CFAP47: variants seen among roughly 807,000 people sequenced by gnomAD.
CFAP47 encodes cilia and flagella associated protein 47, also known as cilia- and flagella-associated protein 47.
A neutral mutation model predicts 148.1 loss-of-function variants in CFAP47; 29 were observed. The observed-to-expected ratio is 0.20, with a 90% CI of 0.15 to 0.27. The LOEUF is 0.27. Among genes scored for constraint, CFAP47 ranks in the 10% least tolerant of loss-of-function variants. CFAP47 has a pLI of 1.00. For missense variants in CFAP47, 1,872 were observed against 1,697.5 expected (o/e 1.10, Z -1.81); for synonymous variants, 664 against 577.3 (o/e 1.15, Z -2.15).
At chrX:36,075,545 T>G (rs150404991) in intron 29 of CFAP47, among the ~76,000 whole-genome samples, 1 of 112,273 alleles carries the variant, frequency 8.9e-6, no homozygotes, top group East Asian at 2.8e-4. Flanking sequence ...TTTTTAATAA[T>G]TTCAACTTTT....
intron 27 of CFAP47, among the ~76,000 whole-genome samples, chrX:36,067,294 C>A (rs1483172465): frequency 9.0e-6 from 1 of 111,392 alleles, no homozygotes; most frequent in African/African-American, 3.3e-5. Flanking sequence ...TCTTTGTATT[C>A]CCATAGGCAC....
rs1488278882 is a variant in CFAP47, at chrX:35,967,739, G to A, written c.1721G>A (p.Arg574His). 19 of 1,206,279 alleles carry A rather than the reference G, an allele frequency of 1.6e-5. No homozygotes were observed. Among genetic ancestry groups the A allele is most frequent in the Middle Eastern group, 2.3e-4 (1 of 4,359 alleles). ...QSAMTRTHNH[R>H]SCEEPVKDML... ...GCCATGACACGCACTCACAATCATC[G>A]CTCATGTGAAGAGCCAGTGAAGGAT... Residue 574 changes from arginine to histidine, a missense_variant, in exon 10 of 64, where the codon CGC becomes CAC. Coordinates refer to ENST00000378653, the MANE Select transcript of CFAP47 (RefSeq NM_001304548.2).
intron 46 of CFAP47, among the ~76,000 whole-genome samples, chrX:36,231,210 C>A (rs1555992539): frequency 9.0e-6 from 1 of 110,913 alleles, no homozygotes; most frequent in African/African-American, 3.3e-5. Flanking sequence ...GGCAGTATGG[C>A]CATTTTCATG....
chrX:36,081,142 C>T (rs889146106), intron 29 of CFAP47, among the ~76,000 whole-genome samples: 13 of 111,007 alleles, frequency 1.2e-4, no homozygotes, highest in Non-Finnish European at 2.5e-4. Flanking sequence ...CAAATAAGCA[C>T]AATCAAAATC....
chrX:36,313,651 C>T (rs1426852589), intron 56 of CFAP47, among the ~76,000 whole-genome samples: 2 of 110,890 alleles, frequency 1.8e-5, no homozygotes, highest in Non-Finnish European at 3.8e-5. Context: ...CTTACAGATT[C>T]TACAGAATTA....
At chrX:36,269,201 C>T (rs1429491470) in intron 49 of CFAP47, among the ~76,000 whole-genome samples, 1 of 112,010 alleles carries the variant, frequency 8.9e-6, no homozygotes, top group Non-Finnish European at 1.9e-5. Flanking sequence ...AAAAAGGTTA[C>T]ACTAAAGTGA....
At chrX:36,031,450 T>C (rs1328065020) in intron 23 of CFAP47, 103 bp downstream of exon 23, 1 of 261,782 alleles carries the variant, frequency 3.8e-6, no homozygotes, top group Non-Finnish European at 6.8e-6. Context: ...AACTATTCCC[T>C]ATGATTAATT....
At chrX:35,957,773 T>C (rs997504579) in intron 8 of CFAP47, among the ~76,000 whole-genome samples, 6 of 112,259 alleles carry the variant, frequency 5.3e-5, no homozygotes, top group Non-Finnish European at 7.5e-5. Flanking sequence ...TTAGTAAAAA[T>C]GCGAATGTAA....
intron 29 of CFAP47, among the ~76,000 whole-genome samples, chrX:36,076,656 G>C (rs746491560): frequency 9.0e-6 from 1 of 111,247 alleles, no homozygotes; most frequent in Non-Finnish European, 1.9e-5. Context: ...CAGATGCATA[G>C]TTTGCAAATA....
chrX:36,238,300 T>C (rs1294995201), intron 48 of CFAP47, among the ~76,000 whole-genome samples: 3 of 112,214 alleles, frequency 2.7e-5, no homozygotes, highest in Admixed American at 9.4e-5. Flanking sequence ...CTCTGGCTTA[T>C]TGCCATGTAA....
chrX:36,272,607 T>TA (rs2146938777), intron 49 of CFAP47, among the ~76,000 whole-genome samples: 2 of 110,786 alleles, frequency 1.8e-5, no homozygotes, highest in African/African-American at 3.3e-5. Flanking sequence ...TTCCTCATCT[T>TA]AAAAAAATCT....
At chrX:36,297,675 A>G (rs1941255731) in intron 51 of CFAP47, among the ~76,000 whole-genome samples, 1 of 111,573 alleles carries the variant, frequency 9.0e-6, no homozygotes, top group South Asian at 3.8e-4. Flanking sequence ...AAGACAATGT[A>G]CCTTGGGGGA....
At chrX:36,263,587 A>T (rs1290390318) in intron 49 of CFAP47, among the ~76,000 whole-genome samples, 4 of 111,945 alleles carry the variant, frequency 3.6e-5, no homozygotes, top group African/African-American at 1.3e-4. Context: ...CATGAGGAAT[A>T]CTGCCAAATG....
At chrX:36,188,467 C>A (rs1341345247) in intron 40 of CFAP47, among the ~76,000 whole-genome samples, 153 bp from the exon 41 acceptor site, 2 of 111,685 alleles carry the variant, frequency 1.8e-5, no homozygotes, top group African/African-American at 3.3e-5. Context: ...ACAATGTGAA[C>A]ATCAAATAAT....
intron 60 of CFAP47, among the ~76,000 whole-genome samples, chrX:36,354,089 G>GA (rs1368450611): frequency 1.8e-5 from 2 of 111,820 alleles, no homozygotes; most frequent in Non-Finnish European, 3.8e-5. Flanking sequence ...TAAAGAAATA[G>GA]AAAATGAACA....
intron 49 of CFAP47, among the ~76,000 whole-genome samples, chrX:36,264,825 C>T (rs188020471): frequency 2.7e-5 from 3 of 111,889 alleles, no homozygotes; most frequent in South Asian, 3.8e-4. Context: ...TCTATTCTGC[C>T]GTCTTGCTCC....
At chrX:36,328,837 A>C (rs1466811681) in intron 57 of CFAP47, among the ~76,000 whole-genome samples, 2 of 105,793 alleles carry the variant, frequency 1.9e-5, no homozygotes, top group African/African-American at 6.7e-5. Flanking sequence ...AAAAAAAAAG[A>C]AAAGCAAAAT....
intron 37 of CFAP47, among the ~76,000 whole-genome samples, 153 bp downstream of exon 37, chrX:36,149,376 A>G (rs1475511881): frequency 3.6e-5 from 4 of 111,070 alleles, no homozygotes. Context: ...TGTTTCTACA[A>G]TTCCTCACCA....
intron 40 of CFAP47, among the ~76,000 whole-genome samples, chrX:36,184,634 AT>A (rs1939785930): frequency 8.9e-6 from 1 of 112,034 alleles, no homozygotes; most frequent in Non-Finnish European, 1.9e-5. Flanking sequence ...TGTTAAAAAA[AT>A]AAATAAATAA....
Sources: allele counts gnomAD v4.1 joint callset (sites outside exome capture counted in the v4.1 genomes callset), GRCh38; gene constraint gnomAD v4.1.1; transcripts MANE v1.5; gene names NCBI Gene and HGNC (gene_info 2026-07-23, HGNC 2026-07-21).